The following SGCZ variants were observed in gnomAD, a reference collection of about 807,000 sequenced individuals.
SGCZ encodes the protein zeta-sarcoglycan.
A neutral mutation model predicts 41.3 loss-of-function variants in SGCZ; 40 were observed. That is an observed-to-expected ratio of 0.97 (90% CI 0.75 to 1.26). The LOEUF (loss-of-function observed/expected upper bound fraction) is 1.26. SGCZ is among the 50% of genes most tolerant of loss of function. The pLI, the probability that SGCZ is intolerant of heterozygous loss-of-function variation, is 0.00. For missense variants in SGCZ, 552 were observed against 369.8 expected, an observed-to-expected ratio of 1.49 and a Z score of -4.04; for synonymous variants, 206 against 137.5, an observed-to-expected ratio of 1.50 and a Z score of -3.49.
intron 2 of SGCZ, among the ~76,000 whole-genome samples, chr8:14,476,075 G>A (rs917262510): frequency 6.6e-6 from 1 of 152,026 alleles, no homozygotes; most frequent in African/African-American, 2.4e-5. Flanking sequence ...AAAGTATTGG[G>A]ATTACTGGTG....
intron 2 of SGCZ, among the ~76,000 whole-genome samples, chr8:14,459,257 G>A (rs1482367667): frequency 6.6e-6 from 1 of 151,958 alleles, no homozygotes; most frequent in Non-Finnish European, 1.5e-5. Flanking sequence ...CCACACACCG[G>A]GGCCTGTTGT....
intron 4 of SGCZ, among the ~76,000 whole-genome samples, chr8:14,168,321 T>C (rs1444194371): frequency 1.3e-5 from 2 of 151,516 alleles, no homozygotes; most frequent in Admixed American, 1.3e-4. Flanking sequence ...GCTGCTTTCA[T>C]GAAATATAAA....
chr8:14,607,108 T>A (rs1805775945), intron 1 of SGCZ, among the ~76,000 whole-genome samples: 1 of 152,190 alleles, frequency 6.6e-6, no homozygotes, highest in African/African-American at 2.4e-5. Flanking sequence ...CTCAGTTTTT[T>A]CATCTGTAAA....
intron 3 of SGCZ, among the ~76,000 whole-genome samples, chr8:14,315,291 G>C (rs1801678658): frequency 6.6e-6 from 1 of 152,066 alleles, no homozygotes; most frequent in Admixed American, 6.6e-5. Flanking sequence ...ACGTTATATA[G>C]AAATCATTAA....
At chr8:15,138,038 G>C (rs1172033378) in intron 1 of SGCZ, among the ~76,000 whole-genome samples, 1 of 152,178 alleles carries the variant, frequency 6.6e-6, no homozygotes, top group East Asian at 1.9e-4. Context: ...CAGGGGCAGA[G>C]CTACCCAAGG....
intron 1 of SGCZ, among the ~76,000 whole-genome samples, chr8:14,719,528 T>A (rs1044433481): frequency 1.3e-5 from 2 of 152,000 alleles, no homozygotes; most frequent in African/African-American, 4.8e-5. Context: ...GTTTCCTGAC[T>A]TTTTAATGAT....
intron 1 of SGCZ, among the ~76,000 whole-genome samples, chr8:15,181,783 C>G (rs1417107368): frequency 6.6e-6 from 1 of 152,168 alleles, no homozygotes; most frequent in African/African-American, 2.4e-5. Flanking sequence ...TAATTCATAA[C>G]TCCATTAGGT....
intron 1 of SGCZ, among the ~76,000 whole-genome samples, chr8:14,803,348 T>A (rs1283752217): frequency 6.6e-6 from 1 of 151,938 alleles, no homozygotes; most frequent in Non-Finnish European, 1.5e-5. Context: ...TGCCAGACAG[T>A]GGGCGCAGGT....
At chr8:14,962,494 T>C (rs1234387461) in intron 1 of SGCZ, among the ~76,000 whole-genome samples, 3 of 152,104 alleles carry the variant, frequency 2.0e-5, no homozygotes. Context: ...TAGAAGTTTC[T>C]CAAACAATAC....
At chr8:14,789,744 T>C (rs1800889337) in intron 1 of SGCZ, among the ~76,000 whole-genome samples, 2 of 152,172 alleles carry the variant, frequency 1.3e-5, no homozygotes, top group African/African-American at 4.8e-5. Context: ...GCATCTCTGC[T>C]TCTTTTATTG....
chr8:14,303,950 C>T (rs1190295824), intron 3 of SGCZ, among the ~76,000 whole-genome samples: 1 of 151,916 alleles, frequency 6.6e-6, no homozygotes, highest in Non-Finnish European at 1.5e-5. Flanking sequence ...TAGGGTTTCA[C>T]CACATTGGCC....
intron 1 of SGCZ, among the ~76,000 whole-genome samples, chr8:14,772,437 CATT>C (rs1800271390): frequency 6.9e-6 from 1 of 144,930 alleles, no homozygotes; most frequent in Non-Finnish European, 1.5e-5. Context: ...TTTTTTTTTT[CATT>C]ATTATACTTT....
chr8:15,105,640 A>T (rs949024306), intron 1 of SGCZ, among the ~76,000 whole-genome samples: 3 of 152,144 alleles, frequency 2.0e-5, no homozygotes, highest in Admixed American at 6.6e-5. Context: ...ACATGTGAGG[A>T]TTACCATTCA....
chr8:14,646,228 G>T (rs1415899161), intron 1 of SGCZ, among the ~76,000 whole-genome samples: 1 of 151,780 alleles, frequency 6.6e-6, no homozygotes, highest in East Asian at 1.9e-4. Flanking sequence ...GTAGTTGCCA[G>T]TATCTACTGT....
intron 2 of SGCZ, among the ~76,000 whole-genome samples, chr8:14,492,297 T>C (rs191918308): frequency 6.6e-5 from 10 of 152,202 alleles, no homozygotes; most frequent in Admixed American, 3.9e-4. Context: ...TGGGTAAGGA[T>C]TGGTATAAGC....
At chr8:14,533,319 T>G (rs1381902785) in intron 2 of SGCZ, among the ~76,000 whole-genome samples, 1 of 150,860 alleles carries the variant, frequency 6.6e-6, no homozygotes, top group Non-Finnish European at 1.5e-5. Flanking sequence ...TTTACATTTT[T>G]GTATTAGCAA....
intron 1 of SGCZ, among the ~76,000 whole-genome samples, chr8:14,764,633 T>A (rs1799987113): frequency 6.6e-6 from 1 of 152,144 alleles, no homozygotes; most frequent in Non-Finnish European, 1.5e-5. Flanking sequence ...GAGAGACAAT[T>A]GTGGTCAGGG....
intron 1 of SGCZ, among the ~76,000 whole-genome samples, chr8:14,927,366 C>T (rs941993095): frequency 1.3e-5 from 2 of 152,070 alleles, no homozygotes; most frequent in Admixed American, 6.6e-5. Flanking sequence ...GCCTCGGCCT[C>T]CCAAAGTGCT....
At position 14,381,233 on chromosome 8, in the gene SGCZ, C is replaced by G. The variant is rs552204530; in HGVS notation, c.235-57029G>C. 4.6e-5 allele frequency among the ~76,000 whole-genome samples: 7 copies of G among 152,294 alleles called. No homozygotes were observed. In the East Asian group the frequency reaches 1.4e-3, roughly 29 times the overall value. On this transcript the variant is annotated intron_variant, in intron 2 of 7. Coordinates refer to ENST00000382080, the MANE Select transcript of SGCZ (RefSeq NM_139167.4). ...TTTTTGGCCAGAGGCCATTACAAAG[C>G]TTCTTGAACAAAGACATATATAATT...
Sources: allele counts gnomAD v4.1 joint callset (sites outside exome capture counted in the v4.1 genomes callset), GRCh38; gene constraint gnomAD v4.1.1; transcripts MANE v1.5; gene names NCBI Gene and HGNC (gene_info 2026-07-23, HGNC 2026-07-21).